NLRP5: variants seen among roughly 807,000 people sequenced by gnomAD.
The protein encoded by NLRP5 is NLR family pyrin domain containing 5.
Under a neutral mutation model 113.1 loss-of-function variants are expected in NLRP5, and 93 were observed. That is an observed-to-expected ratio of 0.82 (90% CI 0.70 to 0.98). The LOEUF (loss-of-function observed/expected upper bound fraction) is 0.98. NLRP5 is among the 50% of genes least tolerant of loss of function. The pLI is 0.00. For missense variants in NLRP5, 1,808 were observed against 1,514.3 expected, an observed-to-expected ratio of 1.19 and a Z score of -3.22; for synonymous variants, 751 against 600.7, an observed-to-expected ratio of 1.25 and a Z score of -3.66.
chr19:56,003,385 C>T (rs890603016), intron 1 of NLRP5, among the ~76,000 whole-genome samples: 4 of 152,178 alleles, frequency 2.6e-5, no homozygotes, highest in African/African-American at 9.7e-5. Flanking sequence ...AACTCCTGAC[C>T]TCAAGTGATC....
chr19:56,002,253 C>T (rs113036078), intron 1 of NLRP5, among the ~76,000 whole-genome samples: 3,024 of 152,204 alleles, frequency 0.02, 71 homozygotes, highest in East Asian at 0.064. Flanking sequence ...TAAATTGGAT[C>T]GTCTCCCTTT....
chr19:56,058,502 C>T (rs1452340420), intron 14 of NLRP5, 92 bp downstream of exon 14: 26 of 1,198,294 alleles, frequency 2.2e-5, no homozygotes, highest in South Asian at 7.4e-5. Context: ...GAAAAGTTGA[C>T]GTCATACCTT....
intron 10 of NLRP5, among the ~76,000 whole-genome samples, chr19:56,039,201 CGGTGCTCAGAT>C (rs1983429209): frequency 6.6e-6 from 1 of 152,162 alleles, no homozygotes; most frequent in Admixed American, 6.5e-5. Context: ...CACAGTTGGA[CGGTGCTCAGAT>C]GGTGATGCCG....
upstream of NLRP5, among the ~76,000 whole-genome samples, chr19:55,995,648 G>A (rs1408776326): frequency 6.6e-6 from 1 of 152,004 alleles, no homozygotes; most frequent in African/African-American, 2.4e-5. Flanking sequence ...GTTTTGATAG[G>A]GATTGCATTG....
intron 10 of NLRP5, 88 bp from the exon 11 acceptor site, chr19:56,040,832 GAT>G: frequency 5.4e-6 from 6 of 1,104,890 alleles, no homozygotes. Flanking sequence ...CTATGGGGGT[GAT>G]ACGTCTTTCC....
At chr19:56,017,560 T>G (rs186742878) in intron 4 of NLRP5, among the ~76,000 whole-genome samples, 420 of 152,320 alleles carry the variant, frequency 2.8e-3, no homozygotes, top group South Asian at 4.1e-3. Flanking sequence ...TCCATATATT[T>G]GGAAATTTTC....
At chr19:56,034,605 G>T (rs903452576) in intron 9 of NLRP5, among the ~76,000 whole-genome samples, 1 of 152,182 alleles carries the variant, frequency 6.6e-6, no homozygotes, top group South Asian at 2.1e-4. Flanking sequence ...CAGGAGCCAC[G>T]TGTGTCTTCC....
chr19:56,017,694 T>G (rs1391526336), intron 4 of NLRP5, among the ~76,000 whole-genome samples: 1 of 152,210 alleles, frequency 6.6e-6, no homozygotes, highest in Non-Finnish European at 1.5e-5. Flanking sequence ...AGAAGGTCTG[T>G]TTGCAGTTGA....
At chr19:55,997,169 T>A (rs1267804461), upstream of NLRP5, among the ~76,000 whole-genome samples, 3 of 152,156 alleles carry the variant, frequency 2.0e-5, no homozygotes, top group African/African-American at 7.2e-5. Context: ...CTTTGCCCAC[T>A]TTTTGATGGG....
chr19:56,005,260 T>C lies in NLRP5; in HGVS notation c.442+1165T>C, dbSNP rs567494563. Among the ~76,000 whole-genome samples the C allele has an allele frequency of 3.4e-5, 5 of 145,410 alleles. No individual in the cohort carries two copies. The South Asian group carries it at 1.1e-3, about 31-fold the overall frequency. Reference sequence around the variant, plus strand: ...ATATATACACACATATATATTTATATATACACATACACATATACACATATA... The same window carrying C: ...ATATATACACACATATATATTTATACATACACATACACATATACACATATA... On this transcript the variant is annotated intron_variant, in intron 2 of 14. Coordinates refer to ENST00000390649, the MANE Select transcript of NLRP5 (RefSeq NM_153447.4).
intron 11 of NLRP5, among the ~76,000 whole-genome samples, chr19:56,043,718 G>C (rs551764994): frequency 1.3e-5 from 2 of 151,158 alleles, no homozygotes; most frequent in East Asian, 4.0e-4. Context: ...GACTACAGGC[G>C]CCCACCACCA....
chr19:56,021,103 C>T (rs1225344971), intron 6 of NLRP5, among the ~76,000 whole-genome samples: 3 of 152,108 alleles, frequency 2.0e-5, no homozygotes, highest in Non-Finnish European at 4.4e-5. Context: ...CACTCCTGAT[C>T]TCGTGATCTG....
At chr19:56,054,992 CTTTTTTTTTTTTTTTTT>C (rs869165472) in intron 13 of NLRP5, among the ~76,000 whole-genome samples, 1 of 62,374 alleles carries the variant, frequency 1.6e-5, no homozygotes. Flanking sequence ...CACCCCTCCC[CTTTTTTTTTTTTTTTTT>C]TTTTTTTTGA....
chr19:55,998,658 A>G (rs927103914), upstream of NLRP5, among the ~76,000 whole-genome samples: 18 of 44,686 alleles, frequency 4.0e-4, no homozygotes, highest in East Asian at 8.4e-4. Context: ...GTCTCAAAAT[A>G]TGTGTGTGTG....
At chr19:55,998,698 ATATATGTGTGTGTG>A (rs1568478237), upstream of NLRP5, among the ~76,000 whole-genome samples, 356 of 75,950 alleles carry the variant, frequency 4.7e-3, 5 homozygotes, top group Non-Finnish European at 6.4e-3. Context: ...ATATATATAT[ATATATGTGTGTGTG>A]TGTATATATA....
At chr19:56,036,771 A>C (rs888593065) in intron 9 of NLRP5, among the ~76,000 whole-genome samples, 3 of 152,142 alleles carry the variant, frequency 2.0e-5, no homozygotes, top group African/African-American at 7.2e-5. Flanking sequence ...AGCCTGGCCA[A>C]CATGGTGAAA....
chr19:55,998,797 A>G (rs1981482175), upstream of NLRP5, among the ~76,000 whole-genome samples: 1 of 148,710 alleles, frequency 6.7e-6, no homozygotes, highest in Admixed American at 6.8e-5. Context: ...TCCTAAATCC[A>G]CTTTTATTTT....
Position 56,025,386 on chromosome 19 carries a change from T to TTCTCTCTCTCTCTCTCTC in NLRP5, c.680-1525_680-1508dup, listed in dbSNP as rs3055366. Among the ~76,000 whole-genome samples the TTCTCTCTCTCTCTCTCTC allele has an allele frequency of 2.8e-3, 409 of 146,562 alleles. 3 individuals are homozygous for TTCTCTCTCTCTCTCTCTC. The highest frequency in any genetic ancestry group is 9.4e-3 in the African/African-American group (379 of 40,248). ...GTTTGACCTCAAGGAACGTGCTCCG[T>TTCTCTCTCTCTCTCTCTC]TCTCTCTCTCTCTCTCTCTGTCTCT... On this transcript the variant is annotated intron_variant, in intron 6 of 14. Transcript: ENST00000390649.
chr19:56,041,050 G>T lies in NLRP5; in HGVS notation c.2915G>T (p.Cys972Phe), dbSNP rs1460861784. 8 of 1,613,990 alleles carry T rather than the reference G, an allele frequency of 5.0e-6. No individual in the cohort carries two copies. The highest frequency in any genetic ancestry group is 6.8e-6 in the Non-Finnish European group (8 of 1,179,882). Residue 972 changes from cysteine (C) to phenylalanine (F), a missense_variant, in exon 11 of 15, where the codon TGT (cysteine) becomes TTT (phenylalanine). By Grantham distance (205) the Cys-to-Phe change is radical. Transcript: ENST00000390649. The stretch of plus-strand genomic sequence containing the variant: ...GGGAACGAAGGTGTAAATCTACTGT[G>T]TCGATCCATGAGGCTTCCCCACTGT...
Sources: gnomAD v4.1 joint callset for allele counts (sites outside exome capture counted in the v4.1 genomes callset) on GRCh38, gnomAD v4.1.1 for gene constraint, MANE v1.5 for transcripts, NCBI Gene and HGNC (gene_info 2026-07-23, HGNC 2026-07-21) for gene names.